NEK5: variants seen among roughly 807,000 people sequenced by gnomAD.
The protein encoded by NEK5 is serine/threonine-protein kinase Nek5.
NEK5 carries 88 observed loss-of-function variants against 109.2 expected under a neutral mutation model. The observed-to-expected ratio is 0.81, with a 90% confidence interval of 0.68 to 0.96. NEK5 has a LOEUF of 0.96. Ranked by LOEUF, NEK5 falls within the 40% of genes least tolerant of loss-of-function variation. NEK5 has a pLI of 0.00. For missense variants in NEK5, 834 were observed against 920.7 expected (o/e 0.91, Z 1.22); for synonymous variants, 283 against 299.9 (o/e 0.94, Z 0.58).
chr13:52,115,183 T>G (rs1289099057), intron 4 of NEK5, among the ~76,000 whole-genome samples: 1 of 151,810 alleles, frequency 6.6e-6, no homozygotes, highest in Non-Finnish European at 1.5e-5. Context: ...CCGGCTAATT[T>G]TTTGTATTTT....
At chr13:52,054,384 A>G (rs1379486780) in intron 22 of NEK5, among the ~76,000 whole-genome samples, 1 of 152,220 alleles carries the variant, frequency 6.6e-6, no homozygotes, top group Non-Finnish European at 1.5e-5. Context: ...GCAGCAGCAC[A>G]ATCATGGCTC....
chr13:52,086,408 C>T (rs1566775615), intron 15 of NEK5, 45 bp from the exon 16 acceptor site: 2 of 1,136,774 alleles, frequency 1.8e-6, no homozygotes, highest in South Asian at 1.3e-5. Context: ...TTTATGAACA[C>T]CATAACAAAA....
At chr13:52,055,922 G>A (rs901313497) in intron 22 of NEK5, among the ~76,000 whole-genome samples, 3 of 151,580 alleles carry the variant, frequency 2.0e-5, no homozygotes, top group East Asian at 3.9e-4. Context: ...ACATCATAAT[G>A]ACAGGATCAA....
intron 16 of NEK5, among the ~76,000 whole-genome samples, chr13:52,083,694 G>A (rs932966052): frequency 3.3e-5 from 5 of 152,120 alleles, no homozygotes; most frequent in Middle Eastern, 3.4e-3. Context: ...GCACCACCAC[G>A]CCTGGCTAAT....
At chr13:52,095,944 A>T (rs971106647) in intron 12 of NEK5, among the ~76,000 whole-genome samples, 1 of 152,118 alleles carries the variant, frequency 6.6e-6, no homozygotes, top group Non-Finnish European at 1.5e-5. Flanking sequence ...TGGTAAATGG[A>T]TCGTTGGGGC....
At chr13:52,039,155 A>G (rs982942098) in intron 23 of NEK5, among the ~76,000 whole-genome samples, 2 of 152,192 alleles carry the variant, frequency 1.3e-5, no homozygotes, top group Non-Finnish European at 2.9e-5. Context: ...AGAAGGACTC[A>G]TGGATATAGA....
At chr13:52,079,869 G>A (rs1325418087) in intron 17 of NEK5, among the ~76,000 whole-genome samples, 2 of 151,640 alleles carry the variant, frequency 1.3e-5, no homozygotes, top group East Asian at 2.0e-4. Context: ...GTCTCTGCCC[G>A]GCCGCCCATC....
intron 13 of NEK5, among the ~76,000 whole-genome samples, chr13:52,092,652 G>T (rs1955311892): frequency 6.6e-6 from 1 of 152,322 alleles, no homozygotes; most frequent in Middle Eastern, 3.4e-3. Flanking sequence ...TTGGGAGGCT[G>T]AGGCGGGCAG....
At chr13:52,070,729 T>C (rs1954770527) in intron 20 of NEK5, among the ~76,000 whole-genome samples, 1 of 152,116 alleles carries the variant, frequency 6.6e-6, no homozygotes, top group African/African-American at 2.4e-5. Context: ...AATGGACTAA[T>C]ACAGTAACCA....
chr13:52,115,749 C>T (rs917738147), intron 4 of NEK5, among the ~76,000 whole-genome samples: 16 of 151,832 alleles, frequency 1.1e-4, no homozygotes, highest in African/African-American at 3.9e-4. Flanking sequence ...CTCAAATTTT[C>T]CATCTGCTGT....
rs141450118 is a variant in NEK5, at chr13:52,100,747, G to T, written c.893-871C>A. Among the ~76,000 whole-genome samples, 612 of 152,236 alleles carry T rather than the reference G, an allele frequency of 4.0e-3. 3 individuals are homozygous for T. Among genetic ancestry groups the T allele is most frequent in the Non-Finnish European group, 6.8e-3 (464 of 68,034 alleles). On this transcript the variant is annotated intron_variant, in intron 11 of 23. Transcript: ENST00000684899. ...TGTTCTTGTTCTCCTATCTTACCTAGATTAGAAATATGGACAATACACAGT... is the reference window on the plus strand; with the variant it reads ...TGTTCTTGTTCTCCTATCTTACCTATATTAGAAATATGGACAATACACAGT...
At position 52,083,255 on chromosome 13, in the gene NEK5, A is replaced by G. The variant is rs2137871031; in HGVS notation, c.1572+5T>C. 1 of 1,593,104 alleles carries G rather than the reference A, an allele frequency of 6.3e-7. No individual in the cohort carries two copies. The highest frequency in any genetic ancestry group is 8.6e-7 in the Non-Finnish European group (1 of 1,160,812). The stretch of plus-strand genomic sequence containing the variant: ...GCACACACATCTGATCATAGCCATC[A>G]TTACCTGCACAGGTGCTTCTCCCTC... On this transcript the variant is annotated splice_donor_5th_base_variant and intron_variant, in intron 17 of 23. Transcript: ENST00000684899.
At chr13:52,043,548 A>AG (rs1566725023) in intron 23 of NEK5, among the ~76,000 whole-genome samples, 1 of 146,802 alleles carries the variant, frequency 6.8e-6, no homozygotes, top group Non-Finnish European at 1.5e-5. Flanking sequence ...AAAAAAAAAA[A>AG]AAAGAAAGAA....
At chr13:52,057,447 A>G (rs1954569288) in intron 22 of NEK5, among the ~76,000 whole-genome samples, 2 of 152,106 alleles carry the variant, frequency 1.3e-5, no homozygotes, top group Middle Eastern at 3.4e-3. Context: ...AACTCATTTT[A>G]TGAGGCCAGC....
chr13:52,083,382 G>A, intron 16 of NEK5, 30 bp from the exon 17 acceptor site: 1 of 1,417,526 alleles, frequency 7.1e-7, no homozygotes, highest in South Asian at 1.1e-5. Flanking sequence ...CAGTCAACAA[G>A]ATTGGTTCTG....
intron 12 of NEK5, among the ~76,000 whole-genome samples, chr13:52,098,261 CAAATAAATAAATAAATAAATAAAT>C (rs34554364): frequency 6.8e-6 from 1 of 146,918 alleles, no homozygotes; most frequent in African/African-American, 2.5e-5. Flanking sequence ...GACCCTCTTT[CAAATAAATAAATAAATAAATAAAT>C]AAATAAATAA....
intron 17 of NEK5, among the ~76,000 whole-genome samples, chr13:52,077,724 T>A (rs1269105507): frequency 6.6e-6 from 1 of 152,150 alleles, no homozygotes. Context: ...GATCCATCCA[T>A]CCCAGTCCAA....
At chr13:52,107,945 A>G (rs1955685591) in intron 8 of NEK5, among the ~76,000 whole-genome samples, 1 of 152,180 alleles carries the variant, frequency 6.6e-6, no homozygotes, top group Admixed American at 6.5e-5. Flanking sequence ...TTATAGATTA[A>G]AAGGAGTTAA....
rs1484828606 is a variant in NEK5 at position 52,127,608 on chromosome 13, T to C, written c.-36A>G. 3.1e-6 allele frequency: 2 copies of C among 649,562 alleles called. No individual in the cohort carries two copies. Among genetic ancestry groups the C allele is most frequent in the South Asian group, 1.9e-5 (1 of 52,890 alleles). 40.2% of individuals were successfully genotyped at this position (649,562 alleles called of 1,614,324 possible). On this transcript the variant is annotated 5_prime_UTR_variant, in exon 2 of 24. Transcript: ENST00000684899. ...AAAAGAACTCACTTAGCTAAAACTT[T>C]CCTCCCAGCCTTGCCAAGACAGAGA...
Sources: gnomAD v4.1 joint callset for allele counts (sites outside exome capture counted in the v4.1 genomes callset) on GRCh38, gnomAD v4.1.1 for gene constraint, MANE v1.5 for transcripts, NCBI Gene and HGNC (gene_info 2026-07-23, HGNC 2026-07-21) for gene names.